The following RNF14 variants were observed in gnomAD, a reference collection of about 807,000 sequenced individuals.
RNF14 encodes E3 ubiquitin-protein ligase RNF14.
RNF14 carries 26 observed loss-of-function variants against 52.6 expected under a neutral mutation model. That is an observed-to-expected ratio of 0.49 (90% CI 0.36 to 0.69). The LOEUF is 0.69. Among genes scored for constraint, RNF14 ranks in the 30% least tolerant of loss-of-function variants. The pLI, the probability that RNF14 is intolerant of heterozygous loss-of-function variation, is 0.00. For missense variants in RNF14, 404 were observed against 560.4 expected (o/e 0.72, Z 2.82); for synonymous variants, 194 against 202.0 (o/e 0.96, Z 0.34).
upstream of RNF14, among the ~76,000 whole-genome samples, chr5:141,963,855 G>T (rs1249774352): frequency 6.6e-6 from 1 of 152,050 alleles, no homozygotes; most frequent in Admixed American, 6.6e-5. Context: ...ATTCTCATGG[G>T]GCTTCCCTTT....
At chr5:141,956,094 G>A (rs751172816), upstream of RNF14, 73 of 1,614,086 alleles carry the variant, frequency 4.5e-5, no homozygotes, top group Non-Finnish European at 5.8e-5. Flanking sequence ...CCAGCAGGTG[G>A]CCTGTGGAGG....
chr5:141,983,261 C>T, intron 6 of RNF14, 119 bp from the exon 7 acceptor site: 8 of 798,836 alleles, frequency 1.0e-5, no homozygotes, highest in South Asian at 3.8e-5. Context: ...GGATTATTTC[C>T]TTATGATAAA....
the RNF14 span, chr5:141,951,643 T>C: frequency 2.3e-6 from 3 of 1,282,478 alleles, no homozygotes; most frequent in East Asian, 2.3e-5. Context: ...TCAGCACACT[T>C]CCTCGCCGGA....
rs553645913 is a variant in RNF14, at chr5:141,986,532, A to G, written c.1368-1201A>G. On this transcript the variant is annotated intron_variant, in intron 8 of 8. Coordinates refer to ENST00000394520, the MANE Select transcript of RNF14 (RefSeq NM_004290.5). Reference sequence around the variant, plus strand: ...AGTCTTGCCTTATTCCATGTATTGTATACGCTGAGTATCAGTTTTGTGATA... The same window carrying G: ...AGTCTTGCCTTATTCCATGTATTGTGTACGCTGAGTATCAGTTTTGTGATA... 2.0e-5 allele frequency among the ~76,000 whole-genome samples: 3 copies of G among 152,344 alleles called. No homozygotes were observed. The South Asian group carries it at 6.2e-4, about 32-fold the overall frequency.
the RNF14 span, chr5:141,951,645 C>T: frequency 1.6e-6 from 2 of 1,273,934 alleles, no homozygotes; most frequent in African/African-American, 1.5e-5. Context: ...AGCACACTTC[C>T]TCGCCGGATG....
chr5:141,978,880 G>A (rs1391338372), intron 5 of RNF14, 50 bp downstream of exon 5: 4 of 1,577,500 alleles, frequency 2.5e-6, no homozygotes, highest in African/African-American at 1.3e-5. Flanking sequence ...TTCCATAAAT[G>A]GAGATATCAT....
At position 141,990,179 on chromosome 5, in the gene RNF14, C is replaced by A. The variant is rs2127078705; in HGVS notation, c.*2389C>A. 2 of 152,224 alleles carry A rather than the reference C, an allele frequency of 1.3e-5. No individual in the cohort carries two copies. Among genetic ancestry groups the A allele is most frequent in the Middle Eastern group, 6.8e-3 (2 of 294 alleles). The allele number at this position is 152,224 out of a possible 1,614,324, so 9.4% of individuals were successfully genotyped here. Reference sequence around the variant, plus strand: ...TATAGTTTTGGTAGAGTACTTTTGTCTCAGTAAAATGAAAGATTTGGGTAA... The same window carrying A: ...TATAGTTTTGGTAGAGTACTTTTGTATCAGTAAAATGAAAGATTTGGGTAA... On this transcript the variant is annotated 3_prime_UTR_variant, in exon 9 of 9. Transcript: ENST00000394520.
At chr5:141,969,246 A>G (rs925077764) in intron 1 of RNF14, 79 bp downstream of exon 1, 1 of 152,818 alleles carries the variant, frequency 6.5e-6, no homozygotes, top group African/African-American at 2.4e-5. Flanking sequence ...TACGGTGGGG[A>G]TAGCTCTCTG....
At position 141,988,450 on chromosome 5, in the gene RNF14, G is replaced by A. The variant is rs1225915420; in HGVS notation, c.*660G>A. On this transcript the variant is annotated 3_prime_UTR_variant, in exon 9 of 9. Coordinates refer to ENST00000394520, the MANE Select transcript of RNF14 (RefSeq NM_004290.5). ...GGGGCACTTGATATTTATTAGTGGT[G>A]TATATGGTCCACTGGTTTCAGGCCA... 1 of 152,304 alleles carries A rather than the reference G, an allele frequency of 6.6e-6. No homozygotes were observed. Among genetic ancestry groups the A allele is most frequent in the African/African-American group, 2.4e-5 (1 of 41,436 alleles). The allele number at this position is 152,304 out of a possible 1,614,324, so 9.4% of individuals were successfully genotyped here.
chr5:141,958,061 C>T (rs180692538), upstream of RNF14: 22 of 598,336 alleles, frequency 3.7e-5, no homozygotes, highest in Admixed American at 2.6e-4. Flanking sequence ...GATGTCCAAA[C>T]GCCGATCAAG....
rs552801982 is a variant in RNF14, at chr5:141,988,034, A to T, written c.*244A>T. The T allele has an allele frequency of 2.1e-6, 1 of 481,208 alleles. No homozygotes were observed. The highest frequency in any genetic ancestry group is 3.7e-6 in the Non-Finnish European group (1 of 268,576). 29.8% of individuals were successfully genotyped at this position (481,208 alleles called of 1,614,324 possible). On this transcript the variant is annotated 3_prime_UTR_variant, in exon 9 of 9. Coordinates refer to ENST00000394520, the MANE Select transcript of RNF14 (RefSeq NM_004290.5). ...AGAAAATTAAACTACAGAATATTAA[A>T]TATTATAATGTGCCCAAAGCTCTGA...
chr5:141,953,177 A>T, the RNF14 span: 1 of 152,252 alleles, frequency 6.6e-6, no homozygotes, highest in African/African-American at 2.4e-5. Flanking sequence ...GACTCGAATC[A>T]GTCAGACTCA....
At chr5:141,952,997 T>A in the RNF14 span, 1 of 152,154 alleles carries the variant, frequency 6.6e-6, no homozygotes, top group Non-Finnish European at 1.5e-5. Flanking sequence ...CTCGGGGTCT[T>A]ATTGCCTGCC....
intron 1 of RNF14, among the ~76,000 whole-genome samples, chr5:141,969,949 A>T (rs909203035): frequency 3.9e-5 from 6 of 152,106 alleles, no homozygotes; most frequent in Non-Finnish European, 8.8e-5. Context: ...AGCACCATAT[A>T]CTCCCACCTA....
chr5:141,971,478 C>T (rs552469103), intron 2 of RNF14, among the ~76,000 whole-genome samples: 1 of 152,324 alleles, frequency 6.6e-6, no homozygotes, highest in Non-Finnish European at 1.5e-5. Flanking sequence ...AAGTGATCCT[C>T]CTGCCTTGGC....
upstream of RNF14, chr5:141,957,248 G>T: frequency 6.2e-7 from 1 of 1,614,150 alleles, no homozygotes; most frequent in East Asian, 2.2e-5. The surrounding 1 kb of genome is among the most constrained non-coding windows in gnomAD (Gnocchi z 4.3). Context: ...TCCCTGTCCA[G>T]CTCCTTCACC....
rs539831459 is a variant in RNF14, at chr5:141,961,637, A to T, written c.-181+3212A>T. On this transcript the variant is annotated intron_variant, in intron 1 of 4. Coordinates refer to the RNF14 transcript ENST00000506822. Reference sequence around the variant, plus strand: ...CCCTTAAGTCCAAAATATTTTTTTTAAAAGGGCAGGATTAGGGTTTGTGCT... The same window carrying T: ...CCCTTAAGTCCAAAATATTTTTTTTTAAAGGGCAGGATTAGGGTTTGTGCT... 1.4e-4 allele frequency among the ~76,000 whole-genome samples: 21 copies of T among 152,204 alleles called. No individual in the cohort carries two copies. The East Asian group carries it at 1.9e-3, about 14-fold the overall frequency.
chr5:141,976,042 C>A (rs79676534), intron 4 of RNF14, among the ~76,000 whole-genome samples: 210 of 152,232 alleles, frequency 1.4e-3, no homozygotes, highest in African/African-American at 5.0e-3. Flanking sequence ...CCAATCTAAT[C>A]TTTTAAGTGA....
At chr5:141,965,163 C>T (rs1753313718), upstream of RNF14, among the ~76,000 whole-genome samples, 3 of 152,096 alleles carry the variant, frequency 2.0e-5, no homozygotes, top group African/African-American at 4.8e-5. Flanking sequence ...GGAGTGCTTG[C>T]GAGTGGTGGC....
Sources: allele counts gnomAD v4.1 joint callset (sites outside exome capture counted in the v4.1 genomes callset), GRCh38; gene constraint gnomAD v4.1.1; non-coding constraint Gnocchi (gnomAD v3.1); transcripts MANE v1.5; gene names NCBI Gene and HGNC (gene_info 2026-07-23, HGNC 2026-07-21).